C2CD5: variants seen among roughly 807,000 people sequenced by gnomAD.
C2CD5 encodes C2 domain-containing protein 5.
C2CD5 carries 109 observed loss-of-function variants against 130.3 expected under a neutral mutation model. The observed-to-expected ratio is 0.84, with a 90% CI of 0.72 to 0.98. The LOEUF (loss-of-function observed/expected upper bound fraction) is 0.98. C2CD5 is among the 50% of genes least tolerant of loss of function. The probability of loss-of-function intolerance (pLI) is 0.00; values close to 1 mark genes in which losing one functional copy is unlikely to be tolerated. For missense variants in C2CD5, 996 were observed against 1,261.8 expected (o/e 0.79, Z 3.19); for synonymous variants, 454 against 429.2 (o/e 1.06, Z -0.71).
At chr12:22,517,885 A>C (rs1949899901) in intron 8 of C2CD5, 101 bp downstream of exon 8, 1 of 957,116 alleles carries the variant, frequency 1.0e-6, no homozygotes, top group Non-Finnish European at 1.6e-6. Flanking sequence ...TTTTTAACTT[A>C]AGTGCCAAAA....
At chr12:22,528,780 T>A (rs949866698) in intron 3 of C2CD5, among the ~76,000 whole-genome samples, 1 of 152,202 alleles carries the variant, frequency 6.6e-6, no homozygotes, top group Non-Finnish European at 1.5e-5. Flanking sequence ...TTTGGTCAAG[T>A]GATAGCTCTG....
intron 22 of C2CD5, among the ~76,000 whole-genome samples, chr12:22,467,887 T>C (rs1410885633): frequency 6.6e-6 from 1 of 152,210 alleles, no homozygotes; most frequent in Non-Finnish European, 1.5e-5. Flanking sequence ...TTGAAAGCTA[T>C]TGCAGAAGTG....
intron 10 of C2CD5, among the ~76,000 whole-genome samples, chr12:22,500,680 C>T (rs1385978736): frequency 6.6e-6 from 1 of 152,112 alleles, no homozygotes; most frequent in Non-Finnish European, 1.5e-5. Flanking sequence ...AAAATAAATT[C>T]TGATATAAGC....
At chr12:22,496,765 T>C (rs1382313644) in intron 10 of C2CD5, among the ~76,000 whole-genome samples, 6 of 151,676 alleles carry the variant, frequency 4.0e-5, no homozygotes, top group Non-Finnish European at 1.5e-5. Flanking sequence ...AAACTCTTTG[T>C]AGATAATATC....
chr12:22,521,643 C>A (rs776614807), intron 7 of C2CD5, among the ~76,000 whole-genome samples: 125 of 152,286 alleles, frequency 8.2e-4, no homozygotes, highest in African/African-American at 2.4e-3. Flanking sequence ...CAATTCTTAT[C>A]TTTCTAGGAG....
intron 11 of C2CD5, among the ~76,000 whole-genome samples, chr12:22,491,166 T>A (rs560422234): frequency 7.9e-5 from 12 of 152,304 alleles, no homozygotes; most frequent in African/African-American, 2.6e-4. Context: ...AATACACAGA[T>A]GTTTTTGAGG....
intron 2 of C2CD5, among the ~76,000 whole-genome samples, chr12:22,536,799 A>C (rs1951858365): frequency 6.6e-6 from 1 of 152,138 alleles, no homozygotes; most frequent in Non-Finnish European, 1.5e-5. Flanking sequence ...GTTATATTTG[A>C]GTGTTTCAAT....
At position 22,502,081 on chromosome 12, in the gene C2CD5, A is replaced by G. The variant is rs1014920626; in HGVS notation, c.1147+4630T>C. On this transcript the variant is annotated intron_variant, in intron 10 of 26. Coordinates refer to ENST00000446597, the MANE Select transcript of C2CD5 (RefSeq NM_001286176.2). ...TTAATTACTTTTGACTCTAAAACAC[A>G]TCATCAGCTGTAAAGCTCACTATCG... Among the ~76,000 whole-genome samples the G allele has an allele frequency of 3.6e-4, 55 of 152,178 alleles. No homozygotes were observed. In the Middle Eastern group the frequency reaches 0.02, roughly 56 times the overall value.
intron 10 of C2CD5, among the ~76,000 whole-genome samples, chr12:22,497,149 A>G (rs1303080925): frequency 6.6e-6 from 1 of 152,178 alleles, no homozygotes; most frequent in African/African-American, 2.4e-5. Context: ...TCATTTTTAT[A>G]TAGCTCTGGG....
chr12:22,522,344 C>G (rs1950346832), intron 7 of C2CD5, among the ~76,000 whole-genome samples: 1 of 152,116 alleles, frequency 6.6e-6, no homozygotes, highest in Non-Finnish European at 1.5e-5. Context: ...ACCTAGCACC[C>G]TAATCATTAT....
intron 8 of C2CD5, among the ~76,000 whole-genome samples, chr12:22,516,189 G>A (rs1312755377): frequency 1.3e-5 from 2 of 151,768 alleles, no homozygotes; most frequent in East Asian, 1.9e-4. Context: ...TCAGAAGGCA[G>A]AAAATCATGA....
intron 10 of C2CD5, among the ~76,000 whole-genome samples, 168 bp downstream of exon 10, chr12:22,506,541 TTA>T (rs1948557378): frequency 6.6e-6 from 1 of 152,174 alleles, no homozygotes; most frequent in African/African-American, 2.4e-5. Context: ...TAAAATACAC[TTA>T]GTTTATTTAT....
rs1040664240 is a variant in C2CD5, at chr12:22,544,424, G to A, written c.-134C>T. 7 of 321,740 alleles carry A rather than the reference G, an allele frequency of 2.2e-5. No individual in the cohort carries two copies. Among genetic ancestry groups the A allele is most frequent in the Non-Finnish European group, 4.0e-5 (7 of 176,638 alleles). 19.9% of individuals were successfully genotyped at this position (321,740 alleles called of 1,614,324 possible). On this transcript the variant is annotated 5_prime_UTR_variant, in exon 1 of 27. Coordinates refer to ENST00000446597, the MANE Select transcript of C2CD5 (RefSeq NM_001286176.2). ...GGGTTCTTCCGTCCCGGCCCCACAA[G>A]GCTGGGACGAAAAGCAAAACCCAGT...
intron 22 of C2CD5, among the ~76,000 whole-genome samples, chr12:22,461,555 T>C (rs1199002929): frequency 2.0e-5 from 3 of 152,140 alleles, no homozygotes; most frequent in Admixed American, 1.3e-4. Context: ...TGTAAAATAC[T>C]TGTGTTTTTT....
At chr12:22,507,854 C>T (rs1948743656) in intron 9 of C2CD5, among the ~76,000 whole-genome samples, 1 of 151,748 alleles carries the variant, frequency 6.6e-6, no homozygotes, top group Non-Finnish European at 1.5e-5. Flanking sequence ...CTCTAAAGCT[C>T]ATATACTTTA....
chr12:22,492,398 T>C (rs1195445962), intron 11 of C2CD5, among the ~76,000 whole-genome samples: 1 of 152,162 alleles, frequency 6.6e-6, no homozygotes, highest in Non-Finnish European at 1.5e-5. Flanking sequence ...ATGATATTGG[T>C]AGAAAAACGT....
chr12:22,489,313 T>C (rs1366600052), intron 12 of C2CD5, among the ~76,000 whole-genome samples: 2 of 151,596 alleles, frequency 1.3e-5, no homozygotes, highest in Non-Finnish European at 2.9e-5. Context: ...AGTTTATATA[T>C]GTGTATATAT....
Position 22,493,291 on chromosome 12 carries a change from T to C in C2CD5, c.1194A>G (p.Glu398=), listed in dbSNP as rs1203921921. The change falls in exon 11 of 27, where the codon GAA becomes GAG. Residue 398 remains glutamate, a synonymous_variant. Transcript: ENST00000446597. The part of the protein sequence containing the change: ...RDAWWAEIRQ[E]IKSHAKALGC... ...CTAATGCTTTAGCATGTGATTTTAT[T>C]TCTTGTCTGATTTCTGCCCACCATG... 6.2e-7 allele frequency: 1 copy of C among 1,612,208 alleles called. No individual in the cohort carries two copies. Among genetic ancestry groups the C allele is most frequent in the African/African-American group, 1.3e-5 (1 of 74,900 alleles).
At chr12:22,469,251 C>T (rs1942617610) in intron 22 of C2CD5, among the ~76,000 whole-genome samples, 1 of 151,974 alleles carries the variant, frequency 6.6e-6, no homozygotes, top group African/African-American at 2.4e-5. Flanking sequence ...ACAGGAAGCT[C>T]ATCGCTTTCT....
Sources: allele counts gnomAD v4.1 joint callset (sites outside exome capture counted in the v4.1 genomes callset), GRCh38; gene constraint gnomAD v4.1.1; transcripts MANE v1.5; gene names NCBI Gene and HGNC (gene_info 2026-07-23, HGNC 2026-07-21).